ATP8B1: variants seen among roughly 807,000 people sequenced by gnomAD.
ATP8B1 encodes phospholipid-transporting ATPase IC.
A neutral mutation model predicts 149.9 loss-of-function variants in ATP8B1; 80 were observed. The observed-to-expected ratio is 0.53, with a 90% confidence interval of 0.45 to 0.64. The LOEUF is 0.64. Among genes scored for constraint, ATP8B1 ranks in the 30% least tolerant of loss-of-function variants. The pLI is 0.00. For synonymous variants in ATP8B1, 536 were observed against 562.8 expected (o/e 0.95, Z 0.67); for missense variants, 1,247 against 1,552.6 (o/e 0.80, Z 3.31).
At chr18:57,664,800 A>G (rs917885652) in intron 20 of ATP8B1, among the ~76,000 whole-genome samples, 1 of 152,172 alleles carries the variant, frequency 6.6e-6, no homozygotes, top group African/African-American at 2.4e-5. Flanking sequence ...GAGGAAGGTG[A>G]TGTGATTTGC....
At chr18:57,711,745 A>G (rs895707221) in intron 2 of ATP8B1, among the ~76,000 whole-genome samples, 9 of 152,066 alleles carry the variant, frequency 5.9e-5, no homozygotes, top group Non-Finnish European at 1.3e-4. Context: ...AGTGCACGCC[A>G]TCGTACCTAA....
intron 1 of ATP8B1, among the ~76,000 whole-genome samples, chr18:57,753,696 G>A (rs56364143): frequency 8.1e-4 from 123 of 152,320 alleles, no homozygotes; most frequent in African/African-American, 2.8e-3. Flanking sequence ...GGGAGGCTGA[G>A]GCGGGCAGAT....
At chr18:57,778,327 G>A (rs2080327386) in intron 1 of ATP8B1, among the ~76,000 whole-genome samples, 3 of 149,700 alleles carry the variant, frequency 2.0e-5, no homozygotes, top group South Asian at 2.1e-4. Flanking sequence ...CCAGGTTCAC[G>A]CCATTCTCCT....
rs544675274 is a variant in ATP8B1 at position 57,718,475 on chromosome 18, A to T, written c.182-11888T>A. The stretch of plus-strand genomic sequence containing the variant: ...ATCCTACTCAATCTATTCTAAAATA[A>T]ACAGGAGGAAATACTTCCAAACTCA... On this transcript the variant is annotated intron_variant, in intron 2 of 27. Coordinates refer to ENST00000648908, the MANE Select transcript of ATP8B1 (RefSeq NM_001374385.1). 6.6e-5 allele frequency among the ~76,000 whole-genome samples: 10 copies of T among 152,354 alleles called. No individual in the cohort carries two copies. In the East Asian group the frequency reaches 1.9e-3, roughly 29 times the overall value.
In ATP8B1 at chr18:57,661,354, C is replaced by T; in HGVS notation, c.2527G>A (p.Glu843Lys). The change falls in exon 22 of 28, where the codon GAA (glutamate) becomes AAA (lysine). Residue 843 changes from glutamate to lysine, a missense_variant. Physicochemically the swap from Glu to Lys is moderately conservative, Grantham distance 56. Transcript: ENST00000648908. ...TTCTGCCGCTGCTCTTTCTTAGCTTCTAGCCTCCTTTTACTTTGGGTCCGC... is the reference window on the plus strand; with the variant it reads ...TTCTGCCGCTGCTCTTTCTTAGCTTTTAGCCTCCTTTTACTTTGGGTCCGC... ...RMRTQSKRRL[E>K]AKKEQRQKNF... The T allele has an allele frequency of 6.2e-7, 1 of 1,614,040 alleles. No individual in the cohort carries two copies. Among genetic ancestry groups the T allele is most frequent in the East Asian group, 2.2e-5 (1 of 44,852 alleles).
At chr18:57,794,892 A>G (rs1220955117) in intron 1 of ATP8B1, among the ~76,000 whole-genome samples, 1 of 152,226 alleles carries the variant, frequency 6.6e-6, no homozygotes, top group African/African-American at 2.4e-5. Flanking sequence ...TGCTGCCTTC[A>G]GGTGTCTTCA....
intron 1 of ATP8B1, among the ~76,000 whole-genome samples, chr18:57,761,121 AAAT>A (rs1271857878): frequency 1.8e-4 from 9 of 49,552 alleles, no homozygotes; most frequent in African/African-American, 4.9e-4. Flanking sequence ...ATATAAAATA[AAAT>A]AAAATAAAAT....
intron 3 of ATP8B1, 57 bp downstream of exon 3, chr18:57,706,433 C>A: frequency 1.4e-6 from 2 of 1,428,512 alleles, no homozygotes; most frequent in South Asian, 1.2e-5. Context: ...GTAAGCATGC[C>A]AGCTACTGGA....
chr18:57,686,027 C>A (rs1336962105), intron 13 of ATP8B1, among the ~76,000 whole-genome samples: 1 of 152,138 alleles, frequency 6.6e-6, no homozygotes, highest in Admixed American at 6.5e-5. Context: ...GCAGATGGAT[C>A]ACTTGAGGTC....
intron 2 of ATP8B1, among the ~76,000 whole-genome samples, chr18:57,727,985 G>T (rs970477200): frequency 6.6e-6 from 1 of 152,056 alleles, no homozygotes; most frequent in African/African-American, 2.4e-5. Flanking sequence ...CGAACCTGTG[G>T]GCTTATCTTT....
chr18:57,741,269 A>G (rs2079911567), intron 1 of ATP8B1, among the ~76,000 whole-genome samples: 1 of 152,140 alleles, frequency 6.6e-6, no homozygotes, highest in Non-Finnish European at 1.5e-5. Flanking sequence ...AATATGGCGC[A>G]GGTAATGGGA....
chr18:57,685,545 C>G (rs1464176184), intron 13 of ATP8B1, among the ~76,000 whole-genome samples: 1 of 151,870 alleles, frequency 6.6e-6, no homozygotes, highest in Non-Finnish European at 1.5e-5. Flanking sequence ...AAATAGCACT[C>G]TATTTGAATC....
At chr18:57,763,116 G>A (rs113050314) in intron 1 of ATP8B1, among the ~76,000 whole-genome samples, 376 of 152,276 alleles carry the variant, frequency 2.5e-3, no homozygotes, top group Middle Eastern at 6.8e-3. Flanking sequence ...ACTCTAGGCC[G>A]GGCGCGGTGG....
At chr18:57,681,167 A>C (rs1354826833) in intron 15 of ATP8B1, among the ~76,000 whole-genome samples, 1 of 152,152 alleles carries the variant, frequency 6.6e-6, no homozygotes, top group Non-Finnish European at 1.5e-5. Context: ...GTTCAATTTA[A>C]GGGAGATTCT....
chr18:57,668,649 G>T, intron 18 of ATP8B1, 109 bp from the exon 19 acceptor site: 1 of 696,518 alleles, frequency 1.4e-6, no homozygotes, highest in African/African-American at 1.8e-5. Context: ...TATACATCCT[G>T]GTTGCTGCTC....
Position 57,695,277 on chromosome 18 carries a change from T to G in ATP8B1, c.834A>C (p.Thr278=). 1 of 1,613,004 alleles carries G rather than the reference T, an allele frequency of 6.2e-7. No individual in the cohort carries two copies. The highest frequency in any genetic ancestry group is 1.1e-5 in the South Asian group (1 of 91,060). Residue 278 remains threonine (T), a synonymous_variant, in exon 10 of 28, where the codon ACA becomes ACC. Transcript: ENST00000648908. ...GAAAACTTGTGTTTCTCCAAAATAGTGTTCCTGTAAACTTATCTAGTCTGT... is the reference window on the plus strand; with the variant it reads ...GAAAACTTGTGTTTCTCCAAAATAGGGTTCCTGTAAACTTATCTAGTCTGT... The part of the protein sequence containing the change: ...PNNRLDKFTG[T]LFWRNTSFPL...
At chr18:57,752,558 A>C (rs1177933703) in intron 1 of ATP8B1, among the ~76,000 whole-genome samples, 2 of 152,186 alleles carry the variant, frequency 1.3e-5, no homozygotes, top group African/African-American at 2.4e-5. Context: ...CCAGTGATTC[A>C]TTTCATCAGA....
At chr18:57,770,374 G>A (rs2080254146) in intron 1 of ATP8B1, among the ~76,000 whole-genome samples, 1 of 152,198 alleles carries the variant, frequency 6.6e-6, no homozygotes, top group East Asian at 1.9e-4. Context: ...AATTTGTTTA[G>A]CACTTTCCAG....
At position 57,655,293 on chromosome 18, in the gene ATP8B1, G is replaced by A. The variant is rs778699779; in HGVS notation, c.2832C>T (p.Tyr944=). Residue 944 remains tyrosine, a synonymous_variant, in exon 23 of 28, where the codon TAC becomes TAT. Coordinates refer to ENST00000648908, the MANE Select transcript of ATP8B1 (RefSeq NM_001374385.1). ...RLLLVHGRWS[Y]IRMCKFLRYF... is the part of the protein sequence containing the mutation. ...ATCGTAGGAACTTGCACATCCTTAT[G>A]TAAGACCATCGGCCATGCACCAGCA... 2.6e-5 allele frequency: 42 copies of A among 1,614,066 alleles called. No homozygotes were observed. Among genetic ancestry groups the A allele is most frequent in the Non-Finnish European group, 3.4e-5 (40 of 1,180,016 alleles).
Sources: gnomAD v4.1 joint callset for allele counts (sites outside exome capture counted in the v4.1 genomes callset) on GRCh38, gnomAD v4.1.1 for gene constraint, MANE v1.5 for transcripts, NCBI Gene and HGNC (gene_info 2026-07-23, HGNC 2026-07-21) for gene names.